The following MAN2C1 variants were observed in gnomAD, a reference collection of about 807,000 sequenced individuals.
MAN2C1 encodes the protein alpha-mannosidase 2C1.
Under a neutral mutation model 126.9 loss-of-function variants are expected in MAN2C1, and 111 were observed. That is an observed-to-expected ratio of 0.87 (90% confidence interval 0.75 to 1.02). The LOEUF (loss-of-function observed/expected upper bound fraction) is 1.02, where lower values mean the gene tolerates loss of function less well. Among genes scored for constraint, MAN2C1 ranks in the 50% least tolerant of loss-of-function variants. MAN2C1 has a pLI of 0.00. For synonymous variants in MAN2C1, 567 were observed against 561.5 expected (o/e 1.01, Z -0.14); for missense variants, 1,363 against 1,364.4 (o/e 1.00, Z 0.02).
rs1427770044 is a variant in MAN2C1 at position 75,359,733 on chromosome 15, G to A, written c.1835C>T (p.Ala612Val). The change falls in exon 16 of 26, where the codon GCA (alanine) becomes GTA (valine). Residue 612 changes from alanine (A) to valine (V), a missense_variant. Physicochemically the swap from Ala to Val is moderately conservative, Grantham distance 64 (BLOSUM62 0). Around this residue, in one of 3 missense-constraint regions of MAN2C1, gnomAD observed 668 missense variants for 650.1 expected, o/e 1.03. Coordinates refer to ENST00000267978, the MANE Select transcript of MAN2C1 (RefSeq NM_006715.4). ...ACCTGGCTCCCCAGCACACAGGGCT[G>A]CGGCTGCAGCGCTGAGCAGTGTATT... Reference protein sequence around the residue: ...HGNTLLSAAAAALCAGEPGPE... With the variant: ...HGNTLLSAAAVALCAGEPGPE... 1 of 1,614,036 alleles carries A rather than the reference G, an allele frequency of 6.2e-7. No individual in the cohort carries two copies.
At chr15:75,357,686 C>A (rs1465534225) in intron 21 of MAN2C1, 1 of 153,652 alleles carries the variant, frequency 6.5e-6, no homozygotes, top group Non-Finnish European at 1.4e-5. Context: ...GTGGCACGAT[C>A]TTGGCTCACT....
In MAN2C1 at chr15:75,367,548, C is replaced by T. The variant is rs2072600343; in HGVS notation, c.314G>A (p.Gly105Glu). 1.2e-6 allele frequency: 2 copies of T among 1,614,204 alleles called. No homozygotes were observed. Among genetic ancestry groups the T allele is most frequent in the Non-Finnish European group, 1.7e-6 (2 of 1,180,040 alleles). Residue 105 changes from glycine (G) to glutamate (E), a missense_variant, in exon 3 of 26, where the codon GGA (glycine) becomes GAA (glutamate). This residue lies in a region of MAN2C1 where 628 missense variants were observed against 609.8 expected (regional missense o/e 1.03). Transcript: ENST00000267978. Reference sequence around the variant, plus strand: ...TCCATCACGCCACACCAGACCTTCTCCATCACTTTCCCAGCAAAGGTGAAC... The same window carrying T: ...TCCATCACGCCACACCAGACCTTCTTCATCACTTTCCCAGCAAAGGTGAAC... ...QEVHLCWESD[G>E]EGLVWRDGEP...
rs1481300449 is a variant in MAN2C1 at position 75,368,487 on chromosome 15, C to G, written c.97G>C (p.Gly33Arg). Residue 33 changes from glycine (G) to arginine (R), a missense_variant, in exon 1 of 26, where the codon GGC (glycine) becomes CGC (arginine). Gly to Arg is a moderately radical substitution (Grantham distance 125). Transcript: ENST00000267978. ...GCGGGGGACCAGGGGCCACACCTGCCGCGGAGGTTACAGTCGGTAAAGTAG... is the reference window on the plus strand; with the variant it reads ...GCGGGGGACCAGGGGCCACACCTGCGGCGGAGGTTACAGTCGGTAAAGTAG... ...PLYFTDCNLR[G>R]RLFGASCPVA... 2 of 1,551,386 alleles carry G rather than the reference C, an allele frequency of 1.3e-6. No individual in the cohort carries two copies. Among genetic ancestry groups the G allele is most frequent in the East Asian group, 2.4e-5 (1 of 41,086 alleles).
Position 75,355,918 on chromosome 15 carries a change from AG to A in MAN2C1, c.3110del (p.Pro1037LeufsTer14), listed in dbSNP as rs754355595. On this transcript the variant is annotated frameshift_variant, in exon 26 of 26. Transcript: ENST00000267978. LOFTEE classifies it high-confidence loss of function. ...QVLSLLLVLQPPPH is the reference protein window; with the variant it reads ...QVLSLLLVLQXPPH ...CAGCCCCAGGGACTCAGTGTGGCGG[AG>A]GCTGAAGCACGAGCAACAGGGACAG... 2 of 1,614,176 alleles carry A rather than the reference AG, an allele frequency of 1.2e-6. No individual in the cohort carries two copies. The highest frequency in any genetic ancestry group is 2.2e-5 in the South Asian group (2 of 91,086).
At chr15:75,361,000 C>T in intron 12 of MAN2C1, 46 bp downstream of exon 12, 2 of 1,575,442 alleles carry the variant, frequency 1.3e-6, no homozygotes, top group Non-Finnish European at 8.6e-7. Flanking sequence ...GGGCTCATGG[C>T]AAGGGCCCAG....
Position 75,356,014 on chromosome 15 carries a change from T to G in MAN2C1, c.3015A>C (p.Arg1005=). Residue 1005 remains arginine (R), a synonymous_variant, in exon 26 of 26, where the codon CGA becomes CGC. Transcript: ENST00000267978. This position sits in a 1 kb window ranked among gnomAD's most constrained non-coding sequence, Gnocchi z 5.8. ...GGGTCAAGTGGCCAGCAGGGTCTGG[T>G]CGCTCCAAGAGATCGCAGCTGGAGA... ...QEAILCDLLE[R]PDPAGHLTLR... 6.2e-7 allele frequency: 1 copy of G among 1,613,984 alleles called. No homozygotes were observed.
rs1452739214 is a variant in MAN2C1, at chr15:75,356,403, G to A, written c.2784C>T (p.Asn928=). The change falls in exon 24 of 26, where the codon AAC becomes AAT. Residue 928 remains asparagine, a synonymous_variant. Transcript: ENST00000267978. This position sits in a 1 kb window ranked among gnomAD's most constrained non-coding sequence, Gnocchi z 5.8. ...GGGCTGGCAGAGCCAACAGGGGGAAGTTTAGGCTGTAGGCAGCTTGGATAA... is the reference window on the plus strand; with the variant it reads ...GGGCTGGCAGAGCCAACAGGGGGAAATTTAGGCTGTAGGCAGCTTGGATAA... ...AGVIQAAYSL[N]FPLLALPAPS... The A allele has an allele frequency of 8.1e-6, 13 of 1,610,294 alleles. No homozygotes were observed. Among genetic ancestry groups the A allele is most frequent in the African/African-American group, 8.0e-5 (6 of 74,920 alleles).
Position 75,361,828 on chromosome 15 carries a change from A to G in MAN2C1, c.1101+27T>C, listed in dbSNP as rs2072476202. 1.2e-6 allele frequency: 2 copies of G among 1,610,688 alleles called. No homozygotes were observed. Among genetic ancestry groups the G allele is most frequent in the Non-Finnish European group, 1.7e-6 (2 of 1,176,940 alleles). On this transcript the variant is annotated intron_variant, in intron 9 of 25. Transcript: ENST00000267978. The surrounding 1 kb of genome is among the most constrained non-coding windows in gnomAD (Gnocchi z 5.0). Reference sequence around the variant, plus strand: ...TCGAGCGCCAGCCCCACTCGCCCACAGCCTGGTGTAGCAGCTCTCAGCCTA... The same window carrying G: ...TCGAGCGCCAGCCCCACTCGCCCACGGCCTGGTGTAGCAGCTCTCAGCCTA...
intron 16 of MAN2C1, 38 bp from the exon 17 acceptor site, chr15:75,359,463 A>C (rs531803817): frequency 4.4e-6 from 7 of 1,593,994 alleles, no homozygotes; most frequent in Non-Finnish European, 6.0e-6. Flanking sequence ...AGCCTTCCTG[A>C]CCTTTCAGGA....
At chr15:75,357,898 C>A (rs746313404) in intron 21 of MAN2C1, 6 of 337,464 alleles carry the variant, frequency 1.8e-5, no homozygotes, top group Non-Finnish European at 3.5e-5. Context: ...GGATTACAGG[C>A]GTGAGTCACC....
chr15:75,364,105 G>C lies in MAN2C1; in HGVS notation c.684C>G (p.Pro228=). 2 of 1,614,154 alleles carry C rather than the reference G, an allele frequency of 1.2e-6. No homozygotes were observed. Among genetic ancestry groups the C allele is most frequent in the Non-Finnish European group, 1.7e-6 (2 of 1,180,016 alleles). ...QMVNVCDPAQ[P]ETFPVAQALA... The stretch of plus-strand genomic sequence containing the variant: ...GGGCCTGGGCCACTGGGAAGGTCTC[G>C]GGCTGGGCAGGGTCACACACGTTCA... Residue 228 remains proline (P), a synonymous_variant, in exon 6 of 26, where the codon CCC becomes CCG. Transcript: ENST00000267978.
intron 4 of MAN2C1, chr15:75,366,038 G>A (rs1416920072): frequency 1.9e-5 from 7 of 368,098 alleles, no homozygotes; most frequent in African/African-American, 4.4e-5. Context: ...AGTGAGCTGC[G>A]ATCGTGCTAC....
Position 75,362,377 on chromosome 15 carries a change from T to C in MAN2C1, c.974A>G (p.Gln325Arg). ...CCAGGTGCCCCCCACAGGCACAAACTGCCCACGGCACGCAAACTCCTGGAT... is the reference window on the plus strand; with the variant it reads ...CCAGGTGCCCCCCACAGGCACAAACCGCCCACGGCACGCAAACTCCTGGAT... The part of the protein sequence containing the change: ...SRIQEFACRG[Q>R]FVPVGGTWVE... The change falls in exon 8 of 26, where the codon CAG becomes CGG. Residue 325 changes from glutamine to arginine, a missense_variant. Gln to Arg is a conservative substitution (Grantham distance 43). This residue lies in a region of MAN2C1 where 628 missense variants were observed against 609.8 expected (regional missense o/e 1.03). Coordinates refer to ENST00000267978, the MANE Select transcript of MAN2C1 (RefSeq NM_006715.4). This position sits in a 1 kb window ranked among gnomAD's most constrained non-coding sequence, Gnocchi z 4.5. 6.2e-7 allele frequency: 1 copy of C among 1,613,946 alleles called. No individual in the cohort carries two copies. Among genetic ancestry groups the C allele is most frequent in the Non-Finnish European group, 8.5e-7 (1 of 1,180,014 alleles).
Position 75,356,113 on chromosome 15 carries a change from A to G in MAN2C1, c.2993T>C (p.Ile998Thr), listed in dbSNP as rs2072285099. The G allele has an allele frequency of 1.6e-5, 26 of 1,613,784 alleles. No individual in the cohort carries two copies. Among genetic ancestry groups the G allele is most frequent in the Non-Finnish European group, 2.2e-5 (26 of 1,180,000 alleles). The change falls in exon 25 of 26, where the codon ATC becomes ACC. Residue 998 changes from isoleucine (I) to threonine (T), a missense_variant. Ile to Thr is a moderately conservative substitution (Grantham distance 89). Coordinates refer to ENST00000267978, the MANE Select transcript of MAN2C1 (RefSeq NM_006715.4). This position sits in a 1 kb window ranked among gnomAD's most constrained non-coding sequence, Gnocchi z 5.8. ...CCAATCCCACACCGCCACTCACAGGATGGCCTCCTGAACCGGCAGCGACAA... is the reference window on the plus strand; with the variant it reads ...CCAATCCCACACCGCCACTCACAGGGTGGCCTCCTGAACCGGCAGCGACAA... Reference protein sequence around the residue: ...LHLSLPVQEAILCDLLERPDP... With the variant: ...LHLSLPVQEATLCDLLERPDP...
rs781614884 is a variant in MAN2C1 at position 75,358,569 on chromosome 15, C to A, written c.2296G>T (p.Gly766Cys). 1.9e-6 allele frequency: 3 copies of A among 1,613,402 alleles called. No homozygotes were observed. The highest frequency in any genetic ancestry group is 1.1e-5 in the South Asian group (1 of 91,082). Residue 766 changes from glycine (G) to cysteine (C), a missense_variant, in exon 20 of 26, where the codon GGC becomes TGC. Physicochemically the swap from Gly to Cys is radical, Grantham distance 159. Around this residue, in one of 3 missense-constraint regions of MAN2C1, gnomAD observed 668 missense variants for 650.1 expected, o/e 1.03. Transcript: ENST00000267978. The stretch of plus-strand genomic sequence containing the variant: ...AAGAACCAGGCGCTGCCCCGCAGGC[C>A]GCCCTCGGTGCCCACTGCCAGGGTC... Reference protein sequence around the residue: ...AGTLAVGTEGGLRGSAWFLLQ... With the variant: ...AGTLAVGTEGCLRGSAWFLLQ...
In MAN2C1 at chr15:75,362,045, T is replaced by A; in HGVS notation, c.1009-98A>T. The A allele has an allele frequency of 1.1e-6, 1 of 913,202 alleles. No homozygotes were observed. The highest frequency in any genetic ancestry group is 1.4e-5 in the South Asian group (1 of 72,954). The allele number at this position is 913,202 out of a possible 1,614,324, so 56.6% of individuals were successfully genotyped here. A position where few individuals can be genotyped will look rare whatever the true frequency, so the allele number is the denominator to read the frequency against. Reference sequence around the variant, plus strand: ...CAATCCCTGCAGGAGAAGCCAGGGCTGCTCAAACATGGGAGTTACAGCCAG... The same window carrying A: ...CAATCCCTGCAGGAGAAGCCAGGGCAGCTCAAACATGGGAGTTACAGCCAG... On this transcript the variant is annotated intron_variant, in intron 8 of 25. Coordinates refer to ENST00000267978, the MANE Select transcript of MAN2C1 (RefSeq NM_006715.4). This position sits in a 1 kb window ranked among gnomAD's most constrained non-coding sequence, Gnocchi z 4.5.
rs1472278259 is a variant in MAN2C1, at chr15:75,358,128, CAGCCTGTTCCACACA to C, written c.2547+58_2547+72del. 5.1e-6 allele frequency: 8 copies of C among 1,562,710 alleles called. No individual in the cohort carries two copies. In the East Asian group the frequency reaches 1.6e-4, roughly 31 times the overall value. ...AAATGTTGATTATCCTCTTCCTCCC[CAGCCTGTTCCACACA>C]AGCAGTCTCCCCAGCCAGGGAGGAG... On this transcript the variant is annotated intron_variant, in intron 21 of 25. Coordinates refer to ENST00000267978, the MANE Select transcript of MAN2C1 (RefSeq NM_006715.4).
intron 21 of MAN2C1, chr15:75,357,190 C>A (rs2072341825): frequency 2.8e-6 from 1 of 361,594 alleles, no homozygotes. Context: ...GTCACCCAGG[C>A]TGGAGTGCAG....
Position 75,362,044 on chromosome 15 carries a change from C to T in MAN2C1, c.1009-97G>A. 2.1e-6 allele frequency: 2 copies of T among 936,112 alleles called. No individual in the cohort carries two copies. Among genetic ancestry groups the T allele is most frequent in the Non-Finnish European group, 3.4e-6 (2 of 581,308 alleles). 58.0% of individuals were successfully genotyped at this position (936,112 alleles called of 1,614,324 possible). A position where few individuals can be genotyped will look rare whatever the true frequency, so the allele number is the denominator to read the frequency against. ...CCAATCCCTGCAGGAGAAGCCAGGG[C>T]TGCTCAAACATGGGAGTTACAGCCA... On this transcript the variant is annotated intron_variant, in intron 8 of 25. Coordinates refer to ENST00000267978, the MANE Select transcript of MAN2C1 (RefSeq NM_006715.4). This position sits in a 1 kb window ranked among gnomAD's most constrained non-coding sequence, Gnocchi z 4.5.
Sources: gnomAD v4.1 joint callset for allele counts on GRCh38, gnomAD v4.1.1 for gene constraint, gnomAD v4.1.1 regional missense constraint, Gnocchi (gnomAD v3.1) non-coding constraint, MANE v1.5 for transcripts, NCBI Gene and HGNC (gene_info 2026-07-23, HGNC 2026-07-21) for gene names.